LUZP2: variants seen among roughly 807,000 people sequenced by gnomAD.
LUZP2 encodes leucine zipper protein 2.
A neutral mutation model predicts 51.6 loss-of-function variants in LUZP2; 52 were observed. The ratio of observed to expected loss-of-function variants is 1.01; its 90% CI spans 0.81 to 1.27. The LOEUF is 1.27. Among genes scored for constraint, LUZP2 ranks in the 50% most tolerant of loss-of-function variants. The pLI is 0.00. For missense variants in LUZP2, 436 were observed against 395.4 expected (o/e 1.10, Z -0.87); for synonymous variants, 154 against 137.3 (o/e 1.12, Z -0.85).
intron 7 of LUZP2, among the ~76,000 whole-genome samples, chr11:24,962,568 G>A (rs543705180): frequency 6.7e-4 from 102 of 152,246 alleles, no homozygotes; most frequent in Non-Finnish European, 1.2e-3. Context: ...GGCTCCTGAG[G>A]CTTCTGCATT....
chr11:24,915,736 G>A (rs1012616556), intron 7 of LUZP2, among the ~76,000 whole-genome samples: 2 of 152,036 alleles, frequency 1.3e-5, no homozygotes, highest in Admixed American at 6.6e-5. Flanking sequence ...TGTCAAGGAA[G>A]TAGACAGTAG....
intron 1 of LUZP2, among the ~76,000 whole-genome samples, chr11:24,605,458 A>C (rs1853884276): frequency 6.6e-6 from 1 of 151,768 alleles, no homozygotes; most frequent in Admixed American, 6.6e-5. Context: ...TTTCCTTTTT[A>C]AAAAATGTGA....
chr11:24,526,285 G>A (rs1026431244), intron 1 of LUZP2, among the ~76,000 whole-genome samples: 1 of 146,728 alleles, frequency 6.8e-6, no homozygotes, highest in African/African-American at 2.5e-5. Context: ...AAAAGCTCAA[G>A]AGTGCATATT....
rs182724767 is a variant in LUZP2, at chr11:24,672,152, A to C, written c.63-57017A>C. ...ACTTACACAGTGCTAGGAAATACTT[A>C]TATTATTATATATTTGGAATTGTGT... is the stretch of plus-strand genomic sequence containing the variant. On this transcript the variant is annotated intron_variant, in intron 1 of 11. Transcript: ENST00000336930. Among the ~76,000 whole-genome samples, 358 of 152,240 alleles carry C rather than the reference A, an allele frequency of 2.4e-3. 1 individual carries two copies. Among genetic ancestry groups the C allele is most frequent in the African/African-American group, 8.4e-3 (350 of 41,564 alleles).
At chr11:25,074,595 C>T (rs1239722015) in intron 10 of LUZP2, among the ~76,000 whole-genome samples, 1 of 151,942 alleles carries the variant, frequency 6.6e-6, no homozygotes, top group Non-Finnish European at 1.5e-5. Flanking sequence ...TGACAATGAC[C>T]TCAAGTGAAG....
chr11:24,574,404 C>CTG (rs1852569704), intron 1 of LUZP2, among the ~76,000 whole-genome samples: 2 of 140,562 alleles, frequency 1.4e-5, no homozygotes, highest in South Asian at 4.9e-4. Context: ...ATCTCTCTCT[C>CTG]TCTCTCTGGT....
intron 10 of LUZP2, among the ~76,000 whole-genome samples, chr11:25,060,645 G>A (rs1200315202): frequency 1.3e-5 from 2 of 152,096 alleles, no homozygotes; most frequent in African/African-American, 2.4e-5. Flanking sequence ...ATAAAATGAG[G>A]TTAAATTGGT....
chr11:24,881,324 A>T lies in LUZP2; in HGVS notation c.397-24667A>T, dbSNP rs548733474. On this transcript the variant is annotated intron_variant, in intron 5 of 11. Transcript: ENST00000336930. ...GAGACTGAGTAATTGCCAAAAAAAA[A>T]AAAAGAGAGAGAGACAGAACATTCG... Among the ~76,000 whole-genome samples the T allele has an allele frequency of 6.6e-4, 101 of 152,226 alleles. 1 individual carries two copies. The highest frequency in any genetic ancestry group is 2.3e-3 in the African/African-American group (96 of 41,548).
chr11:24,657,474 A>C (rs535408160), intron 1 of LUZP2, among the ~76,000 whole-genome samples: 19 of 152,286 alleles, frequency 1.2e-4, no homozygotes, highest in African/African-American at 4.3e-4. Context: ...CAATATCATA[A>C]TGAATGGGCA....
rs1190079682 is a variant in LUZP2, at chr11:24,601,877, CATGTATAT to C, written c.62+104615_62+104622del. 1.5e-3 allele frequency among the ~76,000 whole-genome samples: 77 copies of C among 50,362 alleles called. 2 individuals are homozygous for C. Among genetic ancestry groups the C allele is most frequent in the African/African-American group, 3.4e-3 (63 of 18,516 alleles). 33.0% of individuals were successfully genotyped at this position (50,362 alleles called of 152,430 possible). A position where few individuals can be genotyped will look rare whatever the true frequency, so the allele number is the denominator to read the frequency against. Reference sequence around the variant, plus strand: ...ATATATATATATGTGTATATGTATACATGTATATATGTATATATGTATATATGTATATA... The same window carrying C: ...ATATATATATATGTGTATATGTATACATGTATATATGTATATATGTATATA... On this transcript the variant is annotated intron_variant, in intron 1 of 11. Transcript: ENST00000336930.
At chr11:24,727,827 A>G (rs1045316456) in intron 1 of LUZP2, among the ~76,000 whole-genome samples, 12 of 151,902 alleles carry the variant, frequency 7.9e-5, no homozygotes, top group South Asian at 4.2e-4. Flanking sequence ...GAAGAGTGCT[A>G]GATACCTATA....
At chr11:25,030,161 T>C (rs937923519) in intron 9 of LUZP2, among the ~76,000 whole-genome samples, 14 of 152,328 alleles carry the variant, frequency 9.2e-5, no homozygotes, top group African/African-American at 3.1e-4. Flanking sequence ...TTAAGAAATA[T>C]GGCTAGTATT....
At chr11:24,819,284 T>A (rs1018669469) in intron 5 of LUZP2, among the ~76,000 whole-genome samples, 2 of 152,040 alleles carry the variant, frequency 1.3e-5, no homozygotes, top group Non-Finnish European at 2.9e-5. Flanking sequence ...TGAAAAGCCC[T>A]CCATAATACC....
chr11:24,897,849 G>T (rs1208495516), intron 5 of LUZP2, among the ~76,000 whole-genome samples: 2 of 152,036 alleles, frequency 1.3e-5, no homozygotes, highest in Admixed American at 1.3e-4. Context: ...TTTACTTATG[G>T]ATTCTCAAGG....
At chr11:24,589,409 G>A (rs1286917221) in intron 1 of LUZP2, among the ~76,000 whole-genome samples, 1 of 152,138 alleles carries the variant, frequency 6.6e-6, no homozygotes, top group Non-Finnish European at 1.5e-5. Flanking sequence ...CTGAAAGAGG[G>A]TTGAACTAGA....
At chr11:24,686,661 A>G (rs1319515658) in intron 1 of LUZP2, among the ~76,000 whole-genome samples, 5 of 152,178 alleles carry the variant, frequency 3.3e-5, no homozygotes, top group Non-Finnish European at 7.4e-5. Flanking sequence ...ACTAATTCTT[A>G]GGAGTTTGTT....
At chr11:24,952,335 A>C (rs1398443790) in intron 7 of LUZP2, among the ~76,000 whole-genome samples, 1 of 151,778 alleles carries the variant, frequency 6.6e-6, no homozygotes, top group African/African-American at 2.4e-5. Flanking sequence ...GCAGGCACCT[A>C]TATAATTTAT....
chr11:24,955,930 G>A (rs1348994588), intron 7 of LUZP2, among the ~76,000 whole-genome samples: 2 of 151,930 alleles, frequency 1.3e-5, no homozygotes, highest in Non-Finnish European at 2.9e-5. Context: ...CAAATATGTT[G>A]GATCATGCAG....
rs1281181628 is a variant in LUZP2, at chr11:24,497,142, C to T, written c.-102C>T. 14 of 1,072,936 alleles carry T rather than the reference C, an allele frequency of 1.3e-5. No homozygotes were observed. The highest frequency in any genetic ancestry group is 8.7e-5 in the Admixed American group (3 of 34,328). The allele number at this position is 1,072,936 out of a possible 1,614,324, so 66.5% of individuals were successfully genotyped here. A position where few individuals can be genotyped will look rare whatever the true frequency, so the allele number is the denominator to read the frequency against. ...TCCGCCTTTCCGCCTCGGAAGAGCG[C>T]TCATCACTGGCTGGGGACAGAGCCG... is the stretch of plus-strand genomic sequence containing the variant. On this transcript the variant is annotated 5_prime_UTR_variant, in exon 1 of 12. Coordinates refer to ENST00000336930, the MANE Select transcript of LUZP2 (RefSeq NM_001009909.4).
Sources: gnomAD v4.1 joint callset for allele counts (sites outside exome capture counted in the v4.1 genomes callset) on GRCh38, gnomAD v4.1.1 for gene constraint, MANE v1.5 for transcripts, NCBI Gene and HGNC (gene_info 2026-07-23, HGNC 2026-07-21) for gene names.